Variants in ATF4 observed in about 807,000 individuals in gnomAD.
The protein encoded by ATF4 is cyclic AMP-dependent transcription factor ATF-4.
Under a neutral mutation model 21.0 loss-of-function variants are expected in ATF4, and 8 were observed. That is an observed-to-expected ratio of 0.38 (90% confidence interval 0.22 to 0.69). The LOEUF is 0.69. Among genes scored for constraint, ATF4 ranks in the 30% least tolerant of loss-of-function variants. The pLI is 0.49. For synonymous variants in ATF4, 241 were observed against 166.4 expected (o/e 1.45, Z -3.45); for missense variants, 549 against 425.9 (o/e 1.29, Z -2.54).
Position 39,522,060 on chromosome 22 carries a change from T to C in ATF4, c.514T>C (p.Ser172Pro), listed in dbSNP as rs1474930297. 6 of 1,613,918 alleles carry C rather than the reference T, an allele frequency of 3.7e-6. No homozygotes were observed. Among genetic ancestry groups the C allele is most frequent in the Non-Finnish European group, 5.1e-6 (6 of 1,179,852 alleles). ...PLPLSPGVLS[S>P]TPDHSFSLEL... is the part of the protein sequence containing the mutation. ...TCCCCTTTCCCCAGGGGTCCTGTCC[T>C]CCACTCCAGATCATTCCTTTAGTTT... Residue 172 changes from serine (S) to proline (P), a missense_variant, in exon 3 of 3, where the codon TCC becomes CCC. Transcript: ENST00000674920.
Position 39,522,368 on chromosome 22 carries a change from G to T in ATF4, c.822G>T (p.Lys274Asn). 1 of 1,612,798 alleles carries T rather than the reference G, an allele frequency of 6.2e-7. No homozygotes were observed. Among genetic ancestry groups the T allele is most frequent in the Non-Finnish European group, 8.5e-7 (1 of 1,179,398 alleles). Residue 274 changes from lysine (K) to asparagine (N), a missense_variant, in exon 3 of 3, where the codon AAG becomes AAT. Coordinates refer to ENST00000674920, the MANE Select transcript of ATF4 (RefSeq NM_182810.3). ...PGEKMVAAKV[K>N]GEKLDKKLKK... is the part of the protein sequence containing the mutation. ...AGAAGATGGTAGCAGCAAAAGTAAA[G>T]GGTGAGAAACTGGATAAGAAGCTGA...
Position 39,521,977 on chromosome 22 carries a change from TC to T in ATF4, c.434del (p.Pro145GlnfsTer4). On this transcript the variant is annotated frameshift_variant, in exon 3 of 3. Coordinates refer to ENST00000674920, the MANE Select transcript of ATF4 (RefSeq NM_182810.3). LOFTEE classifies it high-confidence loss of function. Reference sequence around the variant, plus strand: ...CAGACGGTGAACCCAATTGGCCATCTCCCAGAAAGTTTAACAAAACCCGACC... The same window carrying T: ...CAGACGGTGAACCCAATTGGCCATCTCCAGAAAGTTTAACAAAACCCGACC... Reference protein sequence around the residue: ...PPQTVNPIGHLPESLTKPDQV... With the variant: ...PPQTVNPIGHXPESLTKPDQV... The T allele has an allele frequency of 6.2e-7, 1 of 1,612,874 alleles. No individual in the cohort carries two copies. Among genetic ancestry groups the T allele is most frequent in the Non-Finnish European group, 8.5e-7 (1 of 1,179,648 alleles).
intron 1 of ATF4, 46 bp from the exon 2 acceptor site, chr22:39,521,308 A>C: frequency 1.4e-6 from 1 of 697,070 alleles, no homozygotes; most frequent in Non-Finnish European, 2.4e-6. Context: ...TGAAATTCTC[A>C]GAACAGCTAA....
Position 39,522,597 on chromosome 22 carries a change from C to A in ATF4, c.1051C>A (p.Pro351Thr). The change falls in exon 3 of 3, where the codon CCC becomes ACC. Residue 351 changes from proline (P) to threonine (T), a missense_variant. Physicochemically the swap from Pro to Thr is conservative, Grantham distance 38 (BLOSUM62 -1). Coordinates refer to ENST00000674920, the MANE Select transcript of ATF4 (RefSeq NM_182810.3). ...CAAGGCAAGGGGGAAGAAAAGGGTCCCCTAGTTGAGGATAGTCAGGAGCGT... is the reference window on the plus strand; with the variant it reads ...CAAGGCAAGGGGGAAGAAAAGGGTCACCTAGTTGAGGATAGTCAGGAGCGT... ...VRKARGKKRV[P>T] The A allele has an allele frequency of 1.3e-6, 2 of 1,533,446 alleles. No individual in the cohort carries two copies. Among genetic ancestry groups the A allele is most frequent in the Non-Finnish European group, 1.7e-6 (2 of 1,145,334 alleles). The allele number at this position is 1,533,446 out of a possible 1,614,324, so 95.0% of individuals were successfully genotyped here.
In ATF4 at chr22:39,522,369, G is replaced by A. The variant is rs756258147; in HGVS notation, c.823G>A (p.Gly275Ser). 2 of 1,612,766 alleles carry A rather than the reference G, an allele frequency of 1.2e-6. No homozygotes were observed. The highest frequency in any genetic ancestry group is 1.3e-5 in the African/African-American group (1 of 74,954). ...GEKMVAAKVK[G>S]EKLDKKLKKM... ...GAAGATGGTAGCAGCAAAAGTAAAG[G>A]GTGAGAAACTGGATAAGAAGCTGAA... Residue 275 changes from glycine to serine, a missense_variant, in exon 3 of 3, where the codon GGT becomes AGT. Coordinates refer to ENST00000674920, the MANE Select transcript of ATF4 (RefSeq NM_182810.3).
At position 39,520,587 on chromosome 22, in the gene ATF4, T is replaced by G. The variant is rs1184740445; in HGVS notation, c.-257T>G. 1 of 152,560 alleles carries G rather than the reference T, an allele frequency of 6.6e-6. No homozygotes were observed. Among genetic ancestry groups the G allele is most frequent in the African/African-American group, 2.4e-5 (1 of 41,334 alleles). 9.5% of individuals were successfully genotyped at this position (152,560 alleles called of 1,614,324 possible). On this transcript the variant is annotated 5_prime_UTR_variant, in exon 1 of 3. An upstream start codon of the reference 5' UTR is lost. Coordinates refer to ENST00000674920, the MANE Select transcript of ATF4 (RefSeq NM_182810.3). ...CATTTCTACTTTGCCCGCCCACAGA[T>G]GTAGTTTTCTCTGCGCGTGTGCGTT...
intron 1 of ATF4, 70 bp from the exon 2 acceptor site, chr22:39,521,284 C>T (rs900855773): frequency 1.7e-6 from 1 of 595,746 alleles, no homozygotes. Flanking sequence ...AGTCCCGCCT[C>T]ATAAGTGGAA....
chr22:39,521,715 A>G, intron 2 of ATF4, 44 bp downstream of exon 2: 1 of 1,609,292 alleles, frequency 6.2e-7, no homozygotes, highest in Non-Finnish European at 8.5e-7. Context: ...ATCTAGGGTT[A>G]GGGGCCTCCT....
chr22:39,521,574 C>T lies in ATF4; in HGVS notation c.129C>T (p.His43=), dbSNP rs770742676. The T allele has an allele frequency of 9.3e-6, 15 of 1,613,920 alleles. No individual in the cohort carries two copies. The South Asian group carries it at 1.3e-4, about 14-fold the overall frequency. Reference sequence around the variant, plus strand: ...ATGATTACCTGGAGGTGGCCAAGCACTTCAAACCTCATGGGTTCTCCAGCG... The same window carrying T: ...ATGATTACCTGGAGGTGGCCAAGCATTTCAAACCTCATGGGTTCTCCAGCG... The part of the protein sequence containing the change: ...LLDDYLEVAK[H]FKPHGFSSDK... The change falls in exon 2 of 3, where the codon CAC becomes CAT. Residue 43 remains histidine, a synonymous_variant. Transcript: ENST00000674920.
chr22:39,521,263 CG>C, intron 1 of ATF4, 90 bp from the exon 2 acceptor site: 1 of 509,172 alleles, frequency 2.0e-6, no homozygotes, highest in Non-Finnish European at 3.5e-6. Flanking sequence ...TCTAGATGGC[CG>C]ATCTAGAGAA....
At chr22:39,520,907 G>C (rs1304904269) in intron 1 of ATF4, 156 bp downstream of exon 1, 1 of 152,734 alleles carries the variant, frequency 6.5e-6, no homozygotes, top group Non-Finnish European at 1.5e-5. Flanking sequence ...TCCCCGAGAC[G>C]CTCGCGTGCC....
At position 39,522,023 on chromosome 22, in the gene ATF4, C is replaced by G; in HGVS notation, c.477C>G (p.Phe159Leu). ...TKPDQVAPFT[F>L]LQPLPLSPGV... Reference sequence around the variant, plus strand: ...CCGACCAGGTTGCCCCCTTCACCTTCTTACAACCTCTTCCCCTTTCCCCAG... The same window carrying G: ...CCGACCAGGTTGCCCCCTTCACCTTGTTACAACCTCTTCCCCTTTCCCCAG... Residue 159 changes from phenylalanine to leucine, a missense_variant, in exon 3 of 3, where the codon TTC (phenylalanine) becomes TTG (leucine). Coordinates refer to ENST00000674920, the MANE Select transcript of ATF4 (RefSeq NM_182810.3). 6.2e-7 allele frequency: 1 copy of G among 1,613,918 alleles called. No homozygotes were observed. Among genetic ancestry groups the G allele is most frequent in the Non-Finnish European group, 8.5e-7 (1 of 1,179,814 alleles).
chr22:39,521,848 G>C lies in ATF4; in HGVS notation c.302G>C (p.Gly101Ala). ...GAGTTCGACTTGGATGCCCTGTTGG[G>C]TATAGATGACCTGGAAACCATGCCA... is the stretch of plus-strand genomic sequence containing the variant. The part of the protein sequence containing the change: ...LKEFDLDALL[G>A]IDDLETMPDD... Residue 101 changes from glycine to alanine, a missense_variant, in exon 3 of 3, where the codon GGT becomes GCT. Transcript: ENST00000674920. The C allele has an allele frequency of 1.2e-6, 2 of 1,614,222 alleles. No homozygotes were observed. The highest frequency in any genetic ancestry group is 1.7e-6 in the Non-Finnish European group (2 of 1,180,038).
rs539627686 is a variant in ATF4 at position 39,522,184 on chromosome 22, C to G, written c.638C>G (p.Thr213Ser). Residue 213 changes from threonine (T) to serine (S), a missense_variant, in exon 3 of 3, where the codon ACC (threonine) becomes AGC (serine). Coordinates refer to ENST00000674920, the MANE Select transcript of ATF4 (RefSeq NM_182810.3). Reference sequence around the variant, plus strand: ...CCTCAGTGCATAAAGGAGGAAGACACCCCTTCAGATAATGATAGTGGCATC... The same window carrying G: ...CCTCAGTGCATAAAGGAGGAAGACAGCCCTTCAGATAATGATAGTGGCATC... ...MIPQCIKEED[T>S]PSDNDSGICM... is the part of the protein sequence containing the mutation. The G allele has an allele frequency of 5.6e-6, 9 of 1,612,016 alleles. No homozygotes were observed. Among genetic ancestry groups the G allele is most frequent in the Non-Finnish European group, 7.6e-6 (9 of 1,178,660 alleles).
At position 39,521,587 on chromosome 22, in the gene ATF4, G is replaced by C. The variant is rs776908104; in HGVS notation, c.142G>C (p.Gly48Arg). The C allele has an allele frequency of 1.2e-6, 2 of 1,614,076 alleles. No individual in the cohort carries two copies. The highest frequency in any genetic ancestry group is 1.7e-6 in the Non-Finnish European group (2 of 1,180,010). ...GGTGGCCAAGCACTTCAAACCTCAT[G>C]GGTTCTCCAGCGACAAGGCTAAGGC... Reference protein sequence around the residue: ...LEVAKHFKPHGFSSDKAKAGS... With the variant: ...LEVAKHFKPHRFSSDKAKAGS... The change falls in exon 2 of 3, where the codon GGG becomes CGG. Residue 48 changes from glycine (G) to arginine (R), a missense_variant. Physicochemically the swap from Gly to Arg is moderately radical, Grantham distance 125. Coordinates refer to ENST00000674920, the MANE Select transcript of ATF4 (RefSeq NM_182810.3).
At position 39,522,304 on chromosome 22, in the gene ATF4, G is replaced by C. The variant is rs750409615; in HGVS notation, c.758G>C (p.Cys253Ser). The change falls in exon 3 of 3, where the codon TGT (cysteine) becomes TCT (serine). Residue 253 changes from cysteine (C) to serine (S), a missense_variant. Coordinates refer to ENST00000674920, the MANE Select transcript of ATF4 (RefSeq NM_182810.3). ...AGCCTCCCATCTCCAGGTGTTCTCT[G>C]TGGGTCTGCCCGTCCCAAACCTTAC... is the stretch of plus-strand genomic sequence containing the variant. ...NRSLPSPGVL[C>S]GSARPKPYDP... 6.2e-7 allele frequency: 1 copy of C among 1,611,840 alleles called. No homozygotes were observed. The highest frequency in any genetic ancestry group is 1.7e-5 in the Admixed American group (1 of 59,588).
chr22:39,521,810 A>G lies in ATF4; in HGVS notation c.264A>G (p.Lys88=). 7 of 1,614,044 alleles carry G rather than the reference A, an allele frequency of 4.3e-6. No homozygotes were observed. The highest frequency in any genetic ancestry group is 5.9e-6 in the Non-Finnish European group (7 of 1,179,930). ...AFSGTDWMLE[K]MDLKEFDLDA... is the part of the protein sequence containing the mutation. ...CCGGGACAGATTGGATGTTGGAGAA[A>G]ATGGATTTGAAGGAGTTCGACTTGG... The change falls in exon 3 of 3, where the codon AAA becomes AAG. Residue 88 remains lysine (K), a synonymous_variant. Transcript: ENST00000674920.
rs769461525 is a variant in ATF4, at chr22:39,521,888, C to T, written c.342C>T (p.Thr114=). 11 of 1,613,994 alleles carry T rather than the reference C, an allele frequency of 6.8e-6. No individual in the cohort carries two copies. The highest frequency in any genetic ancestry group is 2.7e-5 in the African/African-American group (2 of 74,878). Residue 114 remains threonine (T), a synonymous_variant, in exon 3 of 3, where the codon ACC becomes ACT. Coordinates refer to ENST00000674920, the MANE Select transcript of ATF4 (RefSeq NM_182810.3). ...DLETMPDDLL[T]TLDDTCDLFA... ...AAACCATGCCAGATGACCTTCTGAC[C>T]ACGTTGGATGACACTTGTGATCTCT... is the stretch of plus-strand genomic sequence containing the variant.
rs1930953198 is a variant in ATF4 at position 39,521,663 on chromosome 22, A to G, written c.218A>G (p.Asn73Ser). ...GATGGGTTGGTCAGTCCCTCCAACA[A>G]CAGCAAGGGTGAGTGGGCCACCACC... ...AVDGLVSPSN[N>S]SKEDAFSGTD... Residue 73 changes from asparagine (N) to serine (S), a missense_variant, in exon 2 of 3, where the codon AAC (asparagine) becomes AGC (serine). Coordinates refer to ENST00000674920, the MANE Select transcript of ATF4 (RefSeq NM_182810.3). 1 of 1,613,718 alleles carries G rather than the reference A, an allele frequency of 6.2e-7. No homozygotes were observed. Among genetic ancestry groups the G allele is most frequent in the Non-Finnish European group, 8.5e-7 (1 of 1,179,808 alleles).
Sources: gnomAD v4.1 joint callset for allele counts on GRCh38, gnomAD v4.1.1 for gene constraint, MANE v1.5 for transcripts, NCBI Gene and HGNC (gene_info 2026-07-23, HGNC 2026-07-21) for gene names.